NELFA: variants seen among roughly 807,000 people sequenced by gnomAD.
NELFA encodes the protein negative elongation factor complex member A, also known as negative elongation factor A.
A neutral mutation model predicts 51.8 loss-of-function variants in NELFA; 35 were observed. That is an observed-to-expected ratio of 0.68 (90% CI 0.52 to 0.90). The LOEUF (loss-of-function observed/expected upper bound fraction) is 0.90, where lower values mean the gene tolerates loss of function less well. Ranked by LOEUF, NELFA falls within the 40% of genes least tolerant of loss-of-function variation. NELFA has a pLI of 0.00. For synonymous variants in NELFA, 417 were observed against 338.4 expected (o/e 1.23, Z -2.55); for missense variants, 658 against 746.4 (o/e 0.88, Z 1.38).
At chr4:1,987,830 C>G in intron 4 of NELFA, 88 bp downstream of exon 4, 1 of 1,144,132 alleles carries the variant, frequency 8.7e-7, no homozygotes. Flanking sequence ...TCACAGGCAC[C>G]ACCTCCCCAA....
intron 7 of NELFA, among the ~76,000 whole-genome samples, 168 bp downstream of exon 7, chr4:1,985,608 G>T (rs779517823): frequency 6.6e-6 from 1 of 152,174 alleles, no homozygotes; most frequent in African/African-American, 2.4e-5. Context: ...GTCAGGGCAC[G>T]GCCCACACTG....
chr4:2,003,815 C>A (rs1728637356), intron 1 of NELFA: 1 of 149,690 alleles, frequency 6.7e-6, no homozygotes, highest in Non-Finnish European at 1.5e-5. Flanking sequence ...TGTAACAAAT[C>A]TGCATGTTCT....
rs372828820 is a variant in NELFA, at chr4:1,983,071, C to A, written c.*248G>T. On this transcript the variant is annotated 3_prime_UTR_variant, in exon 11 of 11. Transcript: ENST00000382882. Reference sequence around the variant, plus strand: ...TTTTGGTTAATTTACTTACTACATTCAAAAATGTAACGTTGAGTCCAAAAA... The same window carrying A: ...TTTTGGTTAATTTACTTACTACATTAAAAAATGTAACGTTGAGTCCAAAAA... 1.7e-5 allele frequency: 7 copies of A among 405,406 alleles called. No homozygotes were observed. Among genetic ancestry groups the A allele is most frequent in the East Asian group, 1.2e-4 (3 of 25,876 alleles). The allele number at this position is 405,406 out of a possible 1,614,324, so 25.1% of individuals were successfully genotyped here.
At chr4:1,984,665 C>G (rs1322295050) in intron 8 of NELFA, 143 bp downstream of exon 8, 1 of 628,772 alleles carries the variant, frequency 1.6e-6, no homozygotes. Flanking sequence ...AGCGGGGCAT[C>G]TGCCCCCAGC....
chr4:1,995,038 G>A (rs1354136861), intron 1 of NELFA, among the ~76,000 whole-genome samples: 1 of 152,210 alleles, frequency 6.6e-6, no homozygotes, highest in Non-Finnish European at 1.5e-5. Flanking sequence ...CTGTGAGGAT[G>A]TTTCTACATA....
chr4:2,005,626 A>C (rs1184049609), intron 1 of NELFA, among the ~76,000 whole-genome samples: 4 of 152,134 alleles, frequency 2.6e-5, no homozygotes, highest in South Asian at 2.1e-4. Context: ...CAGGAGGAGG[A>C]GGTTGCAGTG....
chr4:2,004,058 C>G (rs892181768), intron 1 of NELFA: 8 of 151,804 alleles, frequency 5.3e-5, no homozygotes, highest in African/African-American at 1.9e-4. Flanking sequence ...ACTCGGGAGG[C>G]TGAGGCAGGA....
chr4:1,984,902 G>A lies in NELFA; in HGVS notation c.942C>T (p.Asn314=), dbSNP rs1252775682. ...LVSTQKLGSL[N]NEPALPSTSY... ...TCGTGGAGGGCAGCGCAGGCTCATT[G>A]TTCAGGGACCCAAGTTTCTGGAACA... The change falls in exon 8 of 11, where the codon AAC becomes AAT. Residue 314 remains asparagine, a synonymous_variant. Transcript: ENST00000382882. The A allele has an allele frequency of 6.3e-7, 1 of 1,575,232 alleles. No individual in the cohort carries two copies. Among genetic ancestry groups the A allele is most frequent in the Non-Finnish European group, 8.6e-7 (1 of 1,159,436 alleles).
intron 1 of NELFA, chr4:2,007,095 A>G: frequency 2.5e-6 from 1 of 397,920 alleles, no homozygotes; most frequent in South Asian, 1.8e-5. Flanking sequence ...CTGTAGTCCC[A>G]GCTACTCAGG....
At position 1,983,506 on chromosome 4, in the gene NELFA, G is replaced by A. The variant is rs779494729; in HGVS notation, c.1403-3C>T. ...CCCCTGCTCCTGGCACGGGTTCTCT[G>A]CAGAGAGCAGGAGCTGCTGGGTGGG... On this transcript the variant is annotated splice_polypyrimidine_tract_variant and splice_region_variant and intron_variant, in intron 10 of 10. Transcript: ENST00000382882. 10 of 1,613,820 alleles carry A rather than the reference G, an allele frequency of 6.2e-6. No homozygotes were observed. The highest frequency in any genetic ancestry group is 7.6e-6 in the Non-Finnish European group (9 of 1,179,908).
chr4:1,994,281 T>C lies in NELFA; in HGVS notation c.211-2566A>G, dbSNP rs564861127. Among the ~76,000 whole-genome samples, 7 of 151,910 alleles carry C rather than the reference T, an allele frequency of 4.6e-5. No homozygotes were observed. In the South Asian group the frequency reaches 1.0e-3, roughly 23 times the overall value. On this transcript the variant is annotated intron_variant, in intron 1 of 10. Coordinates refer to ENST00000382882, the MANE Select transcript of NELFA (RefSeq NM_005663.5). ...TTTCATTTCTTAAAAAAATTAAAAA[T>C]TGGCTGGGCACGGTGGCTCACGTCT...
intron 1 of NELFA, among the ~76,000 whole-genome samples, chr4:2,003,545 G>A (rs1329901309): frequency 6.6e-6 from 1 of 152,200 alleles, no homozygotes; most frequent in Non-Finnish European, 1.5e-5. Context: ...ATACTACGCA[G>A]CCATAAAAAG....
chr4:2,000,308 G>C (rs1190731297), intron 1 of NELFA, among the ~76,000 whole-genome samples: 1 of 151,956 alleles, frequency 6.6e-6, no homozygotes, highest in Non-Finnish European at 1.5e-5. Flanking sequence ...AAAGGACATA[G>C]AGACACGAAA....
chr4:2,001,168 C>A (rs376564499), intron 1 of NELFA, among the ~76,000 whole-genome samples: 2 of 152,178 alleles, frequency 1.3e-5, no homozygotes, highest in Non-Finnish European at 2.9e-5. Flanking sequence ...TTATTTAAGA[C>A]AAACCCACAG....
intron 7 of NELFA, 139 bp downstream of exon 7, chr4:1,985,637 G>A (rs943843987): frequency 8.8e-5 from 59 of 667,368 alleles, no homozygotes; most frequent in East Asian, 7.9e-4. Flanking sequence ...GTACATATAC[G>A]TATATATACA....
In NELFA at chr4:1,991,633, T is replaced by C. The variant is rs1728271522; in HGVS notation, c.293A>G (p.Lys98Arg). 3 of 1,613,944 alleles carry C rather than the reference T, an allele frequency of 1.9e-6. No individual in the cohort carries two copies. Among genetic ancestry groups the C allele is most frequent in the Non-Finnish European group, 2.5e-6 (3 of 1,180,002 alleles). Residue 98 changes from lysine (K) to arginine (R), a missense_variant, in exon 2 of 11, where the codon AAG becomes AGG. Transcript: ENST00000382882. Reference protein sequence around the residue: ...PWVLMVADILKSFPDTGSLNL... With the variant: ...PWVLMVADILRSFPDTGSLNL... ...AAGCGAGCCTGTGTCCGGAAAGGACTTCAAGATGTCGGCGACCATGAGCAC... is the reference window on the plus strand; with the variant it reads ...AAGCGAGCCTGTGTCCGGAAAGGACCTCAAGATGTCGGCGACCATGAGCAC...
intron 1 of NELFA, among the ~76,000 whole-genome samples, chr4:2,006,310 C>T (rs969467152): frequency 6.6e-6 from 1 of 152,212 alleles, no homozygotes; most frequent in African/African-American, 2.4e-5. Context: ...ATCAATTCCA[C>T]GCAGACTGAA....
At position 1,991,652 on chromosome 4, in the gene NELFA, T is replaced by G; in HGVS notation, c.274A>C (p.Met92Leu). The change falls in exon 2 of 11, where the codon ATG becomes CTG. Residue 92 changes from methionine to leucine, a missense_variant. By Grantham distance (15) the Met-to-Leu change is conservative. This residue lies in a region of NELFA where 371 missense variants were observed against 448.3 expected (regional missense o/e 0.83). Coordinates refer to ENST00000382882, the MANE Select transcript of NELFA (RefSeq NM_005663.5). ...ASLDSDPWVL[M>L]VADILKSFPD... is the part of the protein sequence containing the mutation. ...AAGGACTTCAAGATGTCGGCGACCA[T>G]GAGCACCCAGGGGTCCGAGTCGAGG... 4 of 1,613,946 alleles carry G rather than the reference T, an allele frequency of 2.5e-6. No homozygotes were observed. The highest frequency in any genetic ancestry group is 2.2e-5 in the South Asian group (2 of 91,028).
At chr4:1,998,799 C>T (rs180710244) in intron 1 of NELFA, among the ~76,000 whole-genome samples, 34 of 152,164 alleles carry the variant, frequency 2.2e-4, no homozygotes, top group African/African-American at 7.0e-4. Flanking sequence ...ACAGAGAACC[C>T]CACTAAGACA....
Sources: gnomAD v4.1 joint callset for allele counts (sites outside exome capture counted in the v4.1 genomes callset) on GRCh38, gnomAD v4.1.1 for gene constraint, gnomAD v4.1.1 regional missense constraint, MANE v1.5 for transcripts, NCBI Gene and HGNC (gene_info 2026-07-23, HGNC 2026-07-21) for gene names.